COLEC11: variants seen among roughly 807,000 people sequenced by gnomAD.
COLEC11 encodes the protein collectin-11.
COLEC11 carries 20 observed loss-of-function variants against 27.3 expected under a neutral mutation model. The observed-to-expected ratio is 0.73, with a 90% CI of 0.51 to 1.06. The LOEUF is 1.06. Ranked by LOEUF, COLEC11 falls within the 50% of genes least tolerant of loss-of-function variation. The pLI is 0.00. For synonymous variants in COLEC11, 163 were observed against 154.7 expected, an observed-to-expected ratio of 1.05 and a Z score of -0.40; for missense variants, 310 against 383.0, an observed-to-expected ratio of 0.81 and a Z score of 1.59.
intron 1 of COLEC11, among the ~76,000 whole-genome samples, chr2:3,595,563 G>C (rs1661788001): frequency 6.6e-6 from 1 of 152,208 alleles, no homozygotes; most frequent in Non-Finnish European, 1.5e-5. Flanking sequence ...AGCAGCGTCT[G>C]ACGGGCCAGG....
intron 2 of COLEC11, among the ~76,000 whole-genome samples, chr2:3,607,099 T>C (rs964874916): frequency 2.0e-5 from 3 of 146,748 alleles, no homozygotes; most frequent in African/African-American, 7.4e-5. Context: ...ACCCCCTGTG[T>C]TTTGGATCCT....
At position 3,616,008 on chromosome 2, in the gene COLEC11, G is replaced by A. The variant is rs564820256; in HGVS notation, c.202+2626G>A. On this transcript the variant is annotated intron_variant, in intron 3 of 6. Coordinates refer to ENST00000349077, the MANE Select transcript of COLEC11 (RefSeq NM_024027.5). ...GGGCTCCTCACTTCTCAGACGGGGCGGCTGCCCGGCGGAGGGGCTCCTCAC... is the reference window on the plus strand; with the variant it reads ...GGGCTCCTCACTTCTCAGACGGGGCAGCTGCCCGGCGGAGGGGCTCCTCAC... Among the ~76,000 whole-genome samples, 290 of 151,170 alleles carry A rather than the reference G, an allele frequency of 1.9e-3. 2 individuals carry two copies. The highest frequency in any genetic ancestry group is 6.9e-3 in the African/African-American group (282 of 40,980).
At chr2:3,620,098 C>G (rs1664073450) in intron 3 of COLEC11, among the ~76,000 whole-genome samples, 1 of 152,058 alleles carries the variant, frequency 6.6e-6, no homozygotes. Context: ...CAGAAGTATT[C>G]TCTCCTCTTC....
intron 3 of COLEC11, among the ~76,000 whole-genome samples, chr2:3,629,401 C>G (rs1007398667): frequency 2.0e-5 from 3 of 152,172 alleles, no homozygotes; most frequent in Non-Finnish European, 2.9e-5. Context: ...CTCCTGGGTG[C>G]TTCTGGGGTT....
chr2:3,641,550 C>G (rs1368776308), intron 5 of COLEC11: 1 of 602,050 alleles, frequency 1.7e-6, no homozygotes, highest in East Asian at 7.0e-5. Flanking sequence ...ATCCACTTCC[C>G]CTGACAGGGA....
intron 1 of COLEC11, chr2:3,603,378 G>A (rs547562506): frequency 4.3e-4 from 182 of 425,188 alleles, no homozygotes; most frequent in African/African-American, 2.6e-3. Flanking sequence ...GTGTAGTGGC[G>A]TGATCTCAGG....
At chr2:3,639,251 C>T (rs575786656) in intron 4 of COLEC11, among the ~76,000 whole-genome samples, 11 of 152,254 alleles carry the variant, frequency 7.2e-5, no homozygotes, top group Admixed American at 1.3e-4. Context: ...TTGTGAATAA[C>T]GCCACATTGC....
intron 3 of COLEC11, among the ~76,000 whole-genome samples, chr2:3,635,342 C>T (rs1466469072): frequency 6.6e-6 from 1 of 152,116 alleles, no homozygotes; most frequent in African/African-American, 2.4e-5. Context: ...TGCCATGACC[C>T]CCTTCACCCC....
chr2:3,608,248 C>T (rs1250030494), intron 2 of COLEC11, among the ~76,000 whole-genome samples: 1 of 152,136 alleles, frequency 6.6e-6, no homozygotes, highest in Non-Finnish European at 1.5e-5. Context: ...TTTCTTTGAG[C>T]GAGGAGAGAG....
Position 3,637,245 on chromosome 2 carries a change from C to T in COLEC11, c.203-288C>T, listed in dbSNP as rs137989697. On this transcript the variant is annotated intron_variant, in intron 3 of 6. Transcript: ENST00000349077. ...TCACACAGGCACGGAGGGGATGGAC[C>T]GTGGTTGAGTTTGGAACTTAGGGGT... Among the ~76,000 whole-genome samples the T allele has an allele frequency of 2.7e-3, 406 of 152,310 alleles. 1 individual carries two copies. The highest frequency in any genetic ancestry group is 9.3e-3 in the African/African-American group (387 of 41,572).
chr2:3,616,542 C>T (rs781529855), intron 3 of COLEC11, among the ~76,000 whole-genome samples: 2 of 152,236 alleles, frequency 1.3e-5, no homozygotes, highest in Non-Finnish European at 2.9e-5. Flanking sequence ...AGATCACTCC[C>T]GGTTAGGAGC....
intron 3 of COLEC11, among the ~76,000 whole-genome samples, chr2:3,631,326 T>C (rs1449406889): frequency 1.3e-5 from 2 of 152,212 alleles, no homozygotes; most frequent in Non-Finnish European, 2.9e-5. Context: ...GCGAAGGTCA[T>C]GGCAACAGGT....
At chr2:3,617,733 T>G in intron 3 of COLEC11, 1 of 1,442,818 alleles carries the variant, frequency 6.9e-7, no homozygotes, top group Non-Finnish European at 9.7e-7. Flanking sequence ...AGAAGTCTGG[T>G]CTGCGCAGTG....
chr2:3,639,860 G>C (rs1665712513), intron 4 of COLEC11, among the ~76,000 whole-genome samples: 1 of 151,536 alleles, frequency 6.6e-6, no homozygotes, highest in Non-Finnish European at 1.5e-5. Flanking sequence ...ACCGACTCTT[G>C]GATTAGATGA....
chr2:3,643,399 G>A lies in COLEC11; in HGVS notation c.329-45G>A, dbSNP rs371918146. The A allele has an allele frequency of 7.7e-4, 1,157 of 1,495,200 alleles. 8 individuals are homozygous for A. The highest frequency in any genetic ancestry group is 3.7e-3 in the South Asian group (333 of 88,802). 92.6% of individuals were successfully genotyped at this position (1,495,200 alleles called of 1,614,324 possible). On this transcript the variant is annotated intron_variant, in intron 5 of 6. Transcript: ENST00000349077. The stretch of plus-strand genomic sequence containing the variant: ...GGGTCCTCGCCTCTCTTCTGAGTCC[G>A]AGTCCTCATCCAGCGTTTGTAACGC...
chr2:3,625,423 G>C (rs1415282984), intron 3 of COLEC11, among the ~76,000 whole-genome samples: 9 of 152,020 alleles, frequency 5.9e-5, no homozygotes, highest in Admixed American at 5.9e-4. Flanking sequence ...CCAGGGCGGG[G>C]GTTAGGGAAG....
rs752663184 is a variant in COLEC11, at chr2:3,643,456, A to G, written c.341A>G (p.Glu114Gly). The part of the protein sequence containing the change: ...GPNGEPGLPC[E>G]CSQLRKAIGE... Reference sequence around the variant, plus strand: ...CTGGCCCCCGCAGGCCTCCCATGTGAGTGCAGCCAGCTGCGCAAGGCCATC... The same window carrying G: ...CTGGCCCCCGCAGGCCTCCCATGTGGGTGCAGCCAGCTGCGCAAGGCCATC... The change falls in exon 6 of 7, where the codon GAG becomes GGG. Residue 114 changes from glutamate to glycine, a missense_variant. Glu to Gly is a moderately conservative substitution (Grantham distance 98). Coordinates refer to ENST00000349077, the MANE Select transcript of COLEC11 (RefSeq NM_024027.5). 3.2e-5 allele frequency: 52 copies of G among 1,613,586 alleles called. No homozygotes were observed. The highest frequency in any genetic ancestry group is 4.3e-5 in the Non-Finnish European group (51 of 1,179,824).
At chr2:3,603,829 A>C in intron 1 of COLEC11, 1 of 655,594 alleles carries the variant, frequency 1.5e-6, no homozygotes, top group South Asian at 1.9e-5. Flanking sequence ...CCACCTAAGG[A>C]GATGTGGGGG....
chr2:3,600,565 T>C (rs1238547250), intron 1 of COLEC11, among the ~76,000 whole-genome samples: 1 of 152,140 alleles, frequency 6.6e-6, no homozygotes, highest in Non-Finnish European at 1.5e-5. Context: ...CGTGACAGAA[T>C]ATGGTTTAAG....
Sources: allele counts gnomAD v4.1 joint callset (sites outside exome capture counted in the v4.1 genomes callset), GRCh38; gene constraint gnomAD v4.1.1; transcripts MANE v1.5; gene names NCBI Gene and HGNC (gene_info 2026-07-23, HGNC 2026-07-21).